BATF2: variants seen among roughly 807,000 people sequenced by gnomAD.
The protein encoded by BATF2 is basic leucine zipper transcriptional factor ATF-like 2.
BATF2 carries 4 observed loss-of-function variants against 7.3 expected under a neutral mutation model. The ratio of observed to expected loss-of-function variants is 0.55; its 90% confidence interval spans 0.27 to 1.26. BATF2 has a LOEUF of 1.26. BATF2 is among the 50% of genes most tolerant of loss of function. The pLI, the probability that BATF2 is intolerant of heterozygous loss-of-function variation, is 0.11. For missense variants in BATF2, 295 were observed against 340.5 expected, an observed-to-expected ratio of 0.87 and a Z score of 1.05; for synonymous variants, 152 against 153.9, an observed-to-expected ratio of 0.99 and a Z score of 0.09.
chr11:64,996,179 T>G (rs1946108438), intron 1 of BATF2, among the ~76,000 whole-genome samples: 1 of 152,082 alleles, frequency 6.6e-6, no homozygotes, highest in South Asian at 2.1e-4. Context: ...CAGGATGGTC[T>G]CGATCTCCTG....
At position 64,989,557 on chromosome 11, in the gene BATF2, C is replaced by T; in HGVS notation, c.397G>A (p.Ala133Thr). The T allele has an allele frequency of 6.3e-7, 1 of 1,588,420 alleles. No individual in the cohort carries two copies. Among genetic ancestry groups the T allele is most frequent in the African/African-American group, 1.3e-5 (1 of 74,440 alleles). ...TGTGGACCTGGAGAGAGCGGCTGAG[C>T]TGGGTAACAGGAACCCGGGGTCTGG... ...LFQTPGSCYP[A>T]QPLSPGPQPH... Residue 133 changes from alanine (A) to threonine (T), a missense_variant, in exon 3 of 3, where the codon GCT becomes ACT. Ala to Thr is a moderately conservative substitution (Grantham distance 58). Transcript: ENST00000301887. This position sits in a 1 kb window ranked among gnomAD's most constrained non-coding sequence, Gnocchi z 4.3.
intron 2 of BATF2, among the ~76,000 whole-genome samples, chr11:64,993,482 A>G (rs553209191): frequency 6.0e-4 from 92 of 152,352 alleles, no homozygotes; most frequent in Admixed American, 3.9e-3. Context: ...CAAGTCAGGA[A>G]GAGCACCCTC....
intron 2 of BATF2, chr11:64,990,208 A>T (rs1946065287): frequency 3.9e-6 from 6 of 1,535,682 alleles, no homozygotes; most frequent in Non-Finnish European, 5.2e-6. Context: ...TCCCTGTGGT[A>T]GAATTCCAGG....
rs551782619 is a variant in BATF2 at position 64,989,981 on chromosome 11, T to C, written c.142-169A>G. On this transcript the variant is annotated intron_variant, in intron 2 of 2. Coordinates refer to ENST00000301887, the MANE Select transcript of BATF2 (RefSeq NM_138456.4). This position sits in a 1 kb window ranked among gnomAD's most constrained non-coding sequence, Gnocchi z 4.3. The stretch of plus-strand genomic sequence containing the variant: ...CTCTGGCCAGCCCTTCATAACCACC[T>C]ACCAAGTCTCCCCTGTCCCACCCTC... 320 of 1,497,364 alleles carry C rather than the reference T, an allele frequency of 2.1e-4. 1 individual carries two copies. The African/African-American group carries it at 3.8e-3, about 18-fold the overall frequency. 92.8% of individuals were successfully genotyped at this position (1,497,364 alleles called of 1,614,324 possible). A position where few individuals can be genotyped will look rare whatever the true frequency, so the allele number is the denominator to read the frequency against.
chr11:64,992,005 G>A (rs1039459340), intron 2 of BATF2, among the ~76,000 whole-genome samples: 1 of 152,054 alleles, frequency 6.6e-6, no homozygotes, highest in East Asian at 1.9e-4. Context: ...TTGTCCTTAA[G>A]CTCAGGCTTC....
rs1055341674 is a variant in BATF2 at position 64,988,128 on chromosome 11, C to T, written c.*1001G>A. The T allele has an allele frequency of 6.6e-6, 1 of 152,210 alleles. No individual in the cohort carries two copies. Among genetic ancestry groups the T allele is most frequent in the African/African-American group, 2.4e-5 (1 of 41,420 alleles). 9.4% of individuals were successfully genotyped at this position (152,210 alleles called of 1,614,324 possible). On this transcript the variant is annotated 3_prime_UTR_variant, in exon 3 of 3. Transcript: ENST00000301887. ...TCCTGGAATCAGAGTGTAAAACCCC[C>T]TCTTGAAGCAGACACCAAAACTGAA...
chr11:64,990,803 T>C (rs1226963950), intron 2 of BATF2, among the ~76,000 whole-genome samples: 1 of 152,040 alleles, frequency 6.6e-6, no homozygotes, highest in Non-Finnish European at 1.5e-5. Flanking sequence ...CAAAGTTCTT[T>C]TTTTTGAGAT....
At chr11:64,995,304 C>G (rs1457145916) in intron 1 of BATF2, among the ~76,000 whole-genome samples, 5 of 152,226 alleles carry the variant, frequency 3.3e-5, no homozygotes, top group Non-Finnish European at 7.3e-5. Flanking sequence ...ATTTCCACAC[C>G]AAGGTGTGAA....
At chr11:64,996,182 A>C (rs1283800927) in intron 1 of BATF2, among the ~76,000 whole-genome samples, 1 of 151,724 alleles carries the variant, frequency 6.6e-6, no homozygotes, top group Non-Finnish European at 1.5e-5. Context: ...GATGGTCTCG[A>C]TCTCCTGACC....
Position 64,989,990 on chromosome 11 carries a change from T to C in BATF2, c.142-178A>G. ...GCCCTTCATAACCACCTACCAAGTC[T>C]CCCCTGTCCCACCCTCTGAAGGGGG... On this transcript the variant is annotated intron_variant, in intron 2 of 2. Transcript: ENST00000301887. The surrounding 1 kb of genome is among the most constrained non-coding windows in gnomAD (Gnocchi z 4.3). 1 of 1,511,060 alleles carries C rather than the reference T, an allele frequency of 6.6e-7. No homozygotes were observed. The highest frequency in any genetic ancestry group is 9.0e-7 in the Non-Finnish European group (1 of 1,115,184). The allele number at this position is 1,511,060 out of a possible 1,614,324, so 93.6% of individuals were successfully genotyped here.
intron 2 of BATF2, chr11:64,990,673 A>G (rs1946068660): frequency 2.1e-6 from 2 of 935,674 alleles, no homozygotes; most frequent in East Asian, 2.3e-4. Context: ...TTATATCCAC[A>G]TCTCACAGGG....
intron 2 of BATF2, among the ~76,000 whole-genome samples, chr11:64,991,906 A>G (rs1416635956): frequency 1.3e-5 from 2 of 152,206 alleles, no homozygotes; most frequent in Non-Finnish European, 2.9e-5. Flanking sequence ...CACCTGGTCT[A>G]CAGGGTGCTG....
At chr11:64,996,850 C>T in intron 1 of BATF2, 26 bp downstream of exon 1, 3 of 1,612,212 alleles carry the variant, frequency 1.9e-6, no homozygotes, top group Non-Finnish European at 2.5e-6. Flanking sequence ...CCTTCTCATC[C>T]CCGATCCCCA....
intron 2 of BATF2, among the ~76,000 whole-genome samples, chr11:64,991,516 C>T (rs1440205271): frequency 6.6e-6 from 1 of 152,188 alleles, no homozygotes; most frequent in Non-Finnish European, 1.5e-5. Flanking sequence ...TCTCCAAAGG[C>T]TTCAACTCAC....
intron 1 of BATF2, among the ~76,000 whole-genome samples, 167 bp downstream of exon 1, chr11:64,996,709 G>A (rs75018336): frequency 0.031 from 4,769 of 152,332 alleles, 114 homozygotes; most frequent in Non-Finnish European, 0.046. Flanking sequence ...CCCGACTTCG[G>A]GGGAGGAAAG....
At position 64,994,587 on chromosome 11, in the gene BATF2, C is replaced by T. The variant is rs3802930; in HGVS notation, c.40-38G>A. 778 of 1,553,780 alleles carry T rather than the reference C, an allele frequency of 5.0e-4. 10 individuals carry two copies. In the East Asian group the frequency reaches 0.016, roughly 31 times the overall value. On this transcript the variant is annotated intron_variant, in intron 1 of 2. Transcript: ENST00000301887. ...AGGCAGAGGACTCAGGGGGCCCAGC[C>T]AGGCCTTGTGCCCTCCGTCCTGGCC... is the stretch of plus-strand genomic sequence containing the variant.
chr11:64,994,456 G>C lies in BATF2; in HGVS notation c.133C>G (p.Leu45Val). ...TTAGGGGTTGTCCACACCTGGTGCA[G>C]GGCGTCTGCCTTGTCTGTGTGCTTC... The part of the protein sequence containing the change: ...RQKHTDKADA[L>V]HQQHESLEKD... Residue 45 changes from leucine (L) to valine (V), a missense_variant, in exon 2 of 3, where the codon CTG becomes GTG. Coordinates refer to ENST00000301887, the MANE Select transcript of BATF2 (RefSeq NM_138456.4). 1 of 1,583,122 alleles carries C rather than the reference G, an allele frequency of 6.3e-7. No homozygotes were observed. The highest frequency in any genetic ancestry group is 8.6e-7 in the Non-Finnish European group (1 of 1,164,298).
intron 2 of BATF2, among the ~76,000 whole-genome samples, chr11:64,992,143 T>C (rs755063680): frequency 6.6e-6 from 1 of 152,134 alleles, no homozygotes; most frequent in Non-Finnish European, 1.5e-5. Context: ...GCAATTCTCC[T>C]GCCTCAGCTA....
chr11:64,996,731 G>A (rs1293225505), intron 1 of BATF2, 145 bp downstream of exon 1: 1 of 944,256 alleles, frequency 1.1e-6, no homozygotes, highest in African/African-American at 1.7e-5. Context: ...GAGACCCAGA[G>A]AGGGGCATGC....
Sources: gnomAD v4.1 joint callset for allele counts (sites outside exome capture counted in the v4.1 genomes callset) on GRCh38, gnomAD v4.1.1 for gene constraint, Gnocchi (gnomAD v3.1) non-coding constraint, MANE v1.5 for transcripts, NCBI Gene and HGNC (gene_info 2026-07-23, HGNC 2026-07-21) for gene names.